Variants in TAB2 observed in about 807,000 individuals in gnomAD.
The protein encoded by TAB2 is TGF-beta activated kinase 1 (MAP3K7) binding protein 2, also known as TGF-beta-activated kinase 1 and MAP3K7-binding protein 2.
TAB2 carries 3 observed loss-of-function variants against 65.0 expected under a neutral mutation model. The observed-to-expected ratio is 0.05, with a 90% CI of 0.02 to 0.12. TAB2 has a LOEUF of 0.12. Among genes scored for constraint, TAB2 ranks in the 10% least tolerant of loss-of-function variants. TAB2 has a pLI of 1.00. For synonymous variants in TAB2, 298 were observed against 285.1 expected (o/e 1.05, Z -0.46); for missense variants, 623 against 840.3 (o/e 0.74, Z 3.20).
Position 149,241,065 on chromosome 6 carries a change from C to CA in TAB2, c.-121+22295dup, listed in dbSNP as rs538519208. ...TTCACACAAGCACAAAAAAAGAGGT[C>CA]AAAAAAGAGGTTGTGTAAGGACACA... On this transcript the variant is annotated intron_variant, in intron 1 of 1. Transcript: ENST00000606202. 5.3e-3 allele frequency among the ~76,000 whole-genome samples: 811 copies of CA among 152,124 alleles called. 3 individuals are homozygous for CA. Among genetic ancestry groups the CA allele is most frequent in the Non-Finnish European group, 7.5e-3 (511 of 67,972 alleles).
At chr6:149,280,750 A>G (rs539483773) in intron 1 of TAB2, among the ~76,000 whole-genome samples, 11 of 152,056 alleles carry the variant, frequency 7.2e-5, no homozygotes, top group Admixed American at 2.0e-4. Flanking sequence ...AGACCACCTG[A>G]ATAATAAAGT....
chr6:149,248,049 A>C (rs1207439199), intron 1 of TAB2: 1 of 152,214 alleles, frequency 6.6e-6, no homozygotes, highest in Non-Finnish European at 1.5e-5. Flanking sequence ...CATGTTCTGC[A>C]CATGCATCCT....
intron 1 of TAB2, among the ~76,000 whole-genome samples, chr6:149,335,045 G>A (rs928747621): frequency 2.7e-5 from 4 of 150,290 alleles, no homozygotes; most frequent in East Asian, 2.0e-4. Context: ...TCCCTCACTC[G>A]CTCACTGAAT....
chr6:149,286,801 G>A (rs1268652880), intron 1 of TAB2, among the ~76,000 whole-genome samples: 1 of 152,034 alleles, frequency 6.6e-6, no homozygotes, highest in Admixed American at 6.6e-5. Flanking sequence ...TAATATTAAG[G>A]GGAAAAAAGG....
intron 3 of TAB2, among the ~76,000 whole-genome samples, chr6:149,393,733 T>A (rs1341678954): frequency 5.3e-5 from 8 of 152,188 alleles, no homozygotes; most frequent in African/African-American, 1.9e-4. Flanking sequence ...TGTTGGAAAA[T>A]AAATTAGATT....
chr6:149,314,865 CTT>C (rs57785399), upstream of TAB2, among the ~76,000 whole-genome samples: 838 of 143,264 alleles, frequency 5.8e-3, 8 homozygotes, highest in African/African-American at 0.02. Flanking sequence ...GGAACTATAT[CTT>C]TTTTTTTTTT....
chr6:149,310,576 T>TAA (rs10668215), intron 1 of TAB2, among the ~76,000 whole-genome samples: 1,649 of 151,398 alleles, frequency 0.011, 21 homozygotes, highest in African/African-American at 0.037. Flanking sequence ...ATATTTTTTT[T>TAA]AAAATTGCAT....
chr6:149,382,153 T>C (rs988641332), intron 3 of TAB2, among the ~76,000 whole-genome samples: 5 of 152,190 alleles, frequency 3.3e-5, no homozygotes, highest in African/African-American at 1.2e-4. Context: ...GCTCACTGTG[T>C]TCCAGCCCTC....
intron 1 of TAB2, among the ~76,000 whole-genome samples, chr6:149,290,775 G>A (rs1050585528): frequency 6.6e-6 from 1 of 152,192 alleles, no homozygotes; most frequent in Non-Finnish European, 1.5e-5. Flanking sequence ...AGCCTGGGAG[G>A]CAGAGGTTGC....
intron 1 of TAB2, among the ~76,000 whole-genome samples, chr6:149,230,869 T>C (rs1777390307): frequency 1.3e-5 from 2 of 152,226 alleles, no homozygotes; most frequent in African/African-American, 4.8e-5. Context: ...TTTTCTATGG[T>C]CAGGCTGCTA....
intron 1 of TAB2, chr6:149,243,801 G>T (rs1777647548): frequency 6.6e-6 from 1 of 152,252 alleles, no homozygotes; most frequent in African/African-American, 2.4e-5. Context: ...CACCTGGGGA[G>T]AAGTGATTGA....
rs1178155843 is a variant in TAB2 at position 149,410,526 on chromosome 6, T to TA, written c.*811dup. 6.6e-6 allele frequency: 1 copy of TA among 152,348 alleles called. No individual in the cohort carries two copies. The highest frequency in any genetic ancestry group is 1.5e-5 in the Non-Finnish European group (1 of 68,030). 9.4% of individuals were successfully genotyped at this position (152,348 alleles called of 1,614,324 possible). A position where few individuals can be genotyped will look rare whatever the true frequency, so the allele number is the denominator to read the frequency against. ...GCCTTACCTGAGAGGAACAATGCCT[T>TA]AAAATAAAAAAGCATTAATGAGATG... On this transcript the variant is annotated 3_prime_UTR_variant, in exon 7 of 7. Coordinates refer to ENST00000637181, the MANE Select transcript of TAB2 (RefSeq NM_001292034.3).
At chr6:149,217,928 T>A (rs1583027349), upstream of TAB2, 1 of 152,292 alleles carries the variant, frequency 6.6e-6, no homozygotes, top group East Asian at 1.9e-4. Context: ...TTTTCCTCCT[T>A]TCTGGAGTCT....
At chr6:149,376,846 G>A (rs925642749) in intron 2 of TAB2, among the ~76,000 whole-genome samples, 2 of 151,728 alleles carry the variant, frequency 1.3e-5, no homozygotes, top group East Asian at 3.9e-4. Flanking sequence ...CTACTGGTTA[G>A]TTAGTATCTT....
intron 3 of TAB2, among the ~76,000 whole-genome samples, chr6:149,395,883 T>G (rs116808930): frequency 0.016 from 2,397 of 152,342 alleles, 52 homozygotes; most frequent in South Asian, 0.097. Context: ...GGTGAACAAA[T>G]TATTTTATCT....
chr6:149,339,487 T>C (rs1259937509), intron 1 of TAB2, among the ~76,000 whole-genome samples: 1 of 152,218 alleles, frequency 6.6e-6, no homozygotes, highest in African/African-American at 2.4e-5. Flanking sequence ...CTTTAATAAA[T>C]GGACTCATAC....
At chr6:149,272,060 G>A (rs552138672) in intron 1 of TAB2, among the ~76,000 whole-genome samples, 90 of 152,140 alleles carry the variant, frequency 5.9e-4, no homozygotes, top group African/African-American at 2.1e-3. Context: ...GCCCTTCTGA[G>A]GAATGTAATT....
chr6:149,386,693 A>C (rs1449515864), intron 3 of TAB2, among the ~76,000 whole-genome samples: 2 of 152,262 alleles, frequency 1.3e-5, no homozygotes, highest in African/African-American at 4.8e-5. Context: ...TCAGCAGTGG[A>C]ATTGTTGCCA....
intron 1 of TAB2, among the ~76,000 whole-genome samples, chr6:149,263,636 G>A (rs898844477): frequency 2.6e-5 from 4 of 152,166 alleles, no homozygotes; most frequent in Non-Finnish European, 4.4e-5. Flanking sequence ...CCAAATGAAC[G>A]GCATGAACAA....
Sources: allele counts gnomAD v4.1 joint callset (sites outside exome capture counted in the v4.1 genomes callset), GRCh38; gene constraint gnomAD v4.1.1; transcripts MANE v1.5; gene names NCBI Gene and HGNC (gene_info 2026-07-23, HGNC 2026-07-21).